The following GLRA2 variants were observed in gnomAD, a reference collection of about 807,000 sequenced individuals.
GLRA2 encodes the protein glycine receptor subunit alpha-2.
In GLRA2, 11 loss-of-function variants were observed where a neutral mutation model predicts 31.6. The ratio of observed to expected loss-of-function variants is 0.35; its 90% CI spans 0.22 to 0.58. GLRA2 has a LOEUF of 0.58. GLRA2 is among the 20% of genes least tolerant of loss of function. GLRA2 has a pLI of 0.84. For missense variants in GLRA2, 212 were observed against 351.8 expected, an observed-to-expected ratio of 0.60 and a Z score of 3.18; for synonymous variants, 132 against 134.0, an observed-to-expected ratio of 0.99 and a Z score of 0.10.
chrX:14,515,537 C>A, the GLRA2 span, among the ~76,000 whole-genome samples: 1 of 111,811 alleles, frequency 8.9e-6, no homozygotes, highest in Non-Finnish European at 1.9e-5. Flanking sequence ...TTCTTAACTT[C>A]TCTTTGATGT....
chrX:14,515,405 C>T, the GLRA2 span, among the ~76,000 whole-genome samples: 1 of 111,730 alleles, frequency 9.0e-6, no homozygotes, highest in African/African-American at 3.2e-5. Flanking sequence ...CTGATGATCC[C>T]AGTTTTTTTA....
Position 14,721,219 on chromosome X carries a change from CCT to C in GLRA2, c.1081-8987_1081-8986del, listed in dbSNP as rs768403980. Among the ~76,000 whole-genome samples the C allele has an allele frequency of 1.5e-3, 160 of 110,249 alleles. 1 individual carries two copies. Among genetic ancestry groups the C allele is most frequent in the Non-Finnish European group, 2.4e-3 (128 of 52,802 alleles). ...ACTCACAAATATTTTCAAGATAAAC[CCT>C]GTTTTAGTTAGGAGGATTACGTTTT... On this transcript the variant is annotated intron_variant, in intron 8 of 8. Transcript: ENST00000218075.
chrX:14,615,246 A>G (rs1244369194), intron 7 of GLRA2, among the ~76,000 whole-genome samples: 1 of 112,181 alleles, frequency 8.9e-6, no homozygotes, highest in Non-Finnish European at 1.9e-5. Flanking sequence ...ATCAGTGAAT[A>G]AATGAACAGT....
At chrX:14,707,741 CT>C (rs2091646876) in intron 8 of GLRA2, among the ~76,000 whole-genome samples, 1 of 91,371 alleles carries the variant, frequency 1.1e-5, no homozygotes, top group Non-Finnish European at 2.2e-5. Flanking sequence ...TGTTTTCCTA[CT>C]TTGACAGCAA....
chrX:14,472,614 A>G, the GLRA2 span, among the ~76,000 whole-genome samples: 2 of 111,134 alleles, frequency 1.8e-5, no homozygotes, highest in South Asian at 7.7e-4. Flanking sequence ...TCCCACTAAT[A>G]CGCGAGAACA....
chrX:14,564,208 C>T (rs2089771213), intron 2 of GLRA2, among the ~76,000 whole-genome samples: 1 of 109,876 alleles, frequency 9.1e-6, no homozygotes, highest in Admixed American at 9.7e-5. Context: ...GTAATAACAG[C>T]AAGAGAAAAA....
chrX:14,620,057 T>C (rs1168498299), intron 7 of GLRA2, among the ~76,000 whole-genome samples: 2 of 109,575 alleles, frequency 1.8e-5, no homozygotes, highest in African/African-American at 6.6e-5. Context: ...GCATATAGTA[T>C]GTTATTCTAA....
intron 7 of GLRA2, among the ~76,000 whole-genome samples, chrX:14,685,328 C>T (rs1331931684): frequency 3.6e-5 from 4 of 111,759 alleles, no homozygotes; most frequent in Non-Finnish European, 7.5e-5. Flanking sequence ...ATGCTGGCCT[C>T]ATAAAATGAC....
intron 7 of GLRA2, among the ~76,000 whole-genome samples, chrX:14,646,574 C>T (rs1410519345): frequency 1.8e-5 from 2 of 111,789 alleles, no homozygotes; most frequent in Non-Finnish European, 3.8e-5. Context: ...TGCTACCTCT[C>T]CCTGTATCAC....
At chrX:14,653,854 G>A (rs7057846) in intron 7 of GLRA2, among the ~76,000 whole-genome samples, 104 of 112,640 alleles carry the variant, frequency 9.2e-4, no homozygotes, top group Middle Eastern at 4.6e-3. Flanking sequence ...GCTGGGCACA[G>A]TGGCTCATGC....
At chrX:14,626,951 A>G (rs1268808656) in intron 7 of GLRA2, among the ~76,000 whole-genome samples, 2 of 111,561 alleles carry the variant, frequency 1.8e-5, no homozygotes, top group East Asian at 5.7e-4. Flanking sequence ...TCAAACCAGA[A>G]TTATGATTGG....
rs774116758 is a variant in GLRA2, at chrX:14,728,898, C to T, written c.1081-1309C>T. 4.1e-4 allele frequency among the ~76,000 whole-genome samples: 46 copies of T among 112,313 alleles called. 1 individual carries two copies. The highest frequency in any genetic ancestry group is 8.1e-4 in the Non-Finnish European group (43 of 53,310). On this transcript the variant is annotated intron_variant, in intron 8 of 8. Coordinates refer to ENST00000218075, the MANE Select transcript of GLRA2 (RefSeq NM_002063.4). ...TGAAGTCCTTGCACCACTCTTTAAA[C>T]TGTTACCTGCTCTTTCACTCCCCAT... is the stretch of plus-strand genomic sequence containing the variant.
the GLRA2 span, among the ~76,000 whole-genome samples, chrX:14,524,170 A>G: frequency 8.9e-6 from 1 of 112,534 alleles, no homozygotes; most frequent in Non-Finnish European, 1.9e-5. Context: ...AAAACAAGGT[A>G]TGCCTATATA....
At chrX:14,684,233 T>A (rs2091249218) in intron 7 of GLRA2, among the ~76,000 whole-genome samples, 1 of 110,749 alleles carries the variant, frequency 9.0e-6, no homozygotes, top group Non-Finnish European at 1.9e-5. Context: ...GTAGTATAGT[T>A]TGAAGTCAGG....
the GLRA2 span, among the ~76,000 whole-genome samples, chrX:14,523,170 C>T: frequency 1.8e-5 from 2 of 112,091 alleles, no homozygotes; most frequent in African/African-American, 3.2e-5. Flanking sequence ...AGGACTTACT[C>T]GAGCACGTTG....
intron 2 of GLRA2, among the ~76,000 whole-genome samples, chrX:14,568,764 A>G (rs1340124138): frequency 9.0e-6 from 1 of 110,771 alleles, no homozygotes; most frequent in Non-Finnish European, 1.9e-5. Flanking sequence ...ATGCAAAACA[A>G]TGAAGTTGGA....
intron 4 of GLRA2, among the ~76,000 whole-genome samples, chrX:14,600,880 ATATT>A (rs999367234): frequency 1.3e-4 from 14 of 111,117 alleles, no homozygotes; most frequent in African/African-American, 3.3e-5. Flanking sequence ...TATGATGAAA[ATATT>A]TATTTCTTCT....
chrX:14,557,708 A>C (rs376163013), intron 2 of GLRA2, among the ~76,000 whole-genome samples: 43 of 111,379 alleles, frequency 3.9e-4, no homozygotes, highest in African/African-American at 1.4e-3. Flanking sequence ...CACATTTCTG[A>C]TTGTCACAAC....
intron 8 of GLRA2, among the ~76,000 whole-genome samples, chrX:14,694,740 C>T (rs1409883939): frequency 8.9e-6 from 1 of 112,429 alleles, no homozygotes; most frequent in Non-Finnish European, 1.9e-5. Context: ...CCTTAGAATA[C>T]GTTGCTTCAC....
Sources: allele counts gnomAD v4.1 joint callset (sites outside exome capture counted in the v4.1 genomes callset), GRCh38; gene constraint gnomAD v4.1.1; transcripts MANE v1.5; gene names NCBI Gene and HGNC (gene_info 2026-07-23, HGNC 2026-07-21).